STPG2: variants seen among roughly 807,000 people sequenced by gnomAD.
The protein encoded by STPG2 is sperm-tail PG-rich repeat-containing protein 2.
STPG2 carries 56 observed loss-of-function variants against 54.2 expected under a neutral mutation model. That is an observed-to-expected ratio of 1.03 (90% confidence interval 0.83 to 1.29). The LOEUF (loss-of-function observed/expected upper bound fraction) is 1.29, where lower values mean the gene tolerates loss of function less well. Ranked by LOEUF, STPG2 falls within the 50% of genes most tolerant of loss-of-function variation. STPG2 has a pLI of 0.00. For missense variants in STPG2, 596 were observed against 544.9 expected, an observed-to-expected ratio of 1.09 and a Z score of -0.93; for synonymous variants, 200 against 181.8, an observed-to-expected ratio of 1.10 and a Z score of -0.81.
intron 5 of STPG2, among the ~76,000 whole-genome samples, chr4:98,041,548 C>T (rs1736958187): frequency 6.6e-6 from 1 of 151,790 alleles, no homozygotes; most frequent in South Asian, 2.1e-4. Flanking sequence ...TGAAGTGATG[C>T]TAAATTTTAT....
chr4:97,738,607 GACAA>G, intron 9 of STPG2, among the ~76,000 whole-genome samples: 1 of 152,232 alleles, frequency 6.6e-6, no homozygotes, highest in East Asian at 1.9e-4. Context: ...GATCAAAAGA[GACAA>G]ACAAGGCCAT....
At chr4:98,026,124 A>G in intron 5 of STPG2, 5 of 1,463,444 alleles carry the variant, frequency 3.4e-6, no homozygotes, top group Non-Finnish European at 4.7e-6. Flanking sequence ...ATACGAGAGA[A>G]TCCAGTCTAT....
At chr4:98,015,961 A>G (rs1201258037) in intron 5 of STPG2, among the ~76,000 whole-genome samples, 1 of 152,226 alleles carries the variant, frequency 6.6e-6, no homozygotes, top group East Asian at 1.9e-4. Flanking sequence ...ACAAGGACAG[A>G]AAACCAAACA....
At chr4:97,555,474 C>G (rs748578624), downstream of STPG2, among the ~76,000 whole-genome samples, 7 of 152,030 alleles carry the variant, frequency 4.6e-5, no homozygotes, top group Admixed American at 3.9e-4. Flanking sequence ...GATGAAATTT[C>G]TATAAGATTA....
chr4:97,471,177 T>C (rs1352041085), intron 4 of STPG2, among the ~76,000 whole-genome samples: 1 of 152,130 alleles, frequency 6.6e-6, no homozygotes, highest in East Asian at 1.9e-4. Context: ...AATTTACCAC[T>C]TAGTATATTT....
chr4:97,732,841 A>G (rs1224025173), intron 9 of STPG2, among the ~76,000 whole-genome samples: 1 of 152,182 alleles, frequency 6.6e-6, no homozygotes, highest in East Asian at 1.9e-4. Context: ...AAAATGCTAA[A>G]ACCACTAATC....
intron 9 of STPG2, among the ~76,000 whole-genome samples, chr4:97,816,239 C>T (rs1727905859): frequency 6.6e-6 from 1 of 152,176 alleles, no homozygotes; most frequent in Non-Finnish European, 1.5e-5. Flanking sequence ...CATAGTACTC[C>T]ATGGTATATA....
intron 10 of STPG2, among the ~76,000 whole-genome samples, chr4:97,640,788 C>CA (rs990648872): frequency 6.6e-6 from 1 of 150,906 alleles, no homozygotes; most frequent in African/African-American, 2.4e-5. Context: ...AGATACGTTT[C>CA]AAAACACATG....
At chr4:97,949,643 C>A (rs536057176) in intron 7 of STPG2, among the ~76,000 whole-genome samples, 1 of 151,928 alleles carries the variant, frequency 6.6e-6, no homozygotes, top group Admixed American at 6.6e-5. Flanking sequence ...CTGAAAATGA[C>A]GTAGTTTTGC....
intron 9 of STPG2, among the ~76,000 whole-genome samples, chr4:97,759,268 C>A (rs1323659310): frequency 6.6e-6 from 1 of 152,016 alleles, no homozygotes; most frequent in Non-Finnish European, 1.5e-5. Flanking sequence ...ATTGGGAGGA[C>A]ATCTTAACTT....
At chr4:97,702,676 T>A (rs1294002242) in intron 10 of STPG2, among the ~76,000 whole-genome samples, 1 of 152,186 alleles carries the variant, frequency 6.6e-6, no homozygotes, top group Non-Finnish European at 1.5e-5. Flanking sequence ...CTACTGGGGA[T>A]GGTGAAGCTG....
chr4:97,798,164 T>G, intron 9 of STPG2, among the ~76,000 whole-genome samples: 1 of 152,178 alleles, frequency 6.6e-6, no homozygotes. Context: ...TTGAAGGGAT[T>G]TTTGTGTCTC....
chr4:97,870,839 C>T (rs564923241), intron 8 of STPG2, among the ~76,000 whole-genome samples: 1 of 151,228 alleles, frequency 6.6e-6, no homozygotes, highest in South Asian at 2.1e-4. Flanking sequence ...TTGAACTTTA[C>T]AGCCTGATAC....
At chr4:97,498,045 G>A (rs754364101) in intron 4 of STPG2, among the ~76,000 whole-genome samples, 23 of 151,882 alleles carry the variant, frequency 1.5e-4, no homozygotes, top group Non-Finnish European at 4.4e-5. Context: ...GTGAACTCTA[G>A]TGAAAGATGA....
chr4:98,071,663 G>A (rs925722065), intron 5 of STPG2, among the ~76,000 whole-genome samples: 5 of 151,912 alleles, frequency 3.3e-5, no homozygotes, highest in Non-Finnish European at 5.9e-5. Context: ...GCAATATATC[G>A]ATCTGACAAA....
intron 9 of STPG2, among the ~76,000 whole-genome samples, chr4:97,737,546 G>C (rs1051297801): frequency 1.3e-5 from 2 of 152,154 alleles, no homozygotes; most frequent in African/African-American, 4.8e-5. Context: ...GCCAAGGCTC[G>C]AGAACTACGT....
chr4:97,789,125 T>C (rs1023648611), intron 9 of STPG2, among the ~76,000 whole-genome samples: 4 of 152,058 alleles, frequency 2.6e-5, no homozygotes, highest in Non-Finnish European at 5.9e-5. Flanking sequence ...TACTAGTTTA[T>C]AGCTATGTTA....
chr4:97,991,469 AT>A (rs1735012733), intron 5 of STPG2, among the ~76,000 whole-genome samples: 1 of 148,928 alleles, frequency 6.7e-6, no homozygotes, highest in Non-Finnish European at 1.5e-5. Flanking sequence ...GTATATATAT[AT>A]ATGTATATAT....
chr4:98,130,942 AAAAAAAAAC>A (rs1171305382), intron 2 of STPG2, among the ~76,000 whole-genome samples: 7 of 126,786 alleles, frequency 5.5e-5, no homozygotes, highest in Non-Finnish European at 8.6e-5. Flanking sequence ...AAAAAAAACA[AAAAAAAAAC>A]GACTTTCCAA....
Sources: gnomAD v4.1 joint callset for allele counts (sites outside exome capture counted in the v4.1 genomes callset) on GRCh38, gnomAD v4.1.1 for gene constraint, MANE v1.5 for transcripts, NCBI Gene and HGNC (gene_info 2026-07-23, HGNC 2026-07-21) for gene names.